The following BRINP3 variants were observed in gnomAD, a reference collection of about 807,000 sequenced individuals.
BRINP3 encodes BMP/retinoic acid inducible neural specific 3, also known as BMP/retinoic acid-inducible neural-specific protein 3.
In BRINP3, 19 loss-of-function variants were observed where a neutral mutation model predicts 71.0. The ratio of observed to expected loss-of-function variants is 0.27; its 90% confidence interval spans 0.19 to 0.39. The LOEUF is 0.39. Among genes scored for constraint, BRINP3 ranks in the 10% least tolerant of loss-of-function variants. The pLI, the probability that BRINP3 is intolerant of heterozygous loss-of-function variation, is 1.00. For synonymous variants in BRINP3, 380 were observed against 337.7 expected, an observed-to-expected ratio of 1.13 and a Z score of -1.37; for missense variants, 959 against 940.8, an observed-to-expected ratio of 1.02 and a Z score of -0.25.
intron 7 of BRINP3, among the ~76,000 whole-genome samples, chr1:190,120,609 C>T (rs1653560125): frequency 6.6e-6 from 1 of 151,934 alleles, no homozygotes; most frequent in Admixed American, 6.6e-5. Flanking sequence ...AATTCTCTGC[C>T]TTAGCCTCCT....
chr1:190,428,784 G>A (rs1295763291), intron 2 of BRINP3, among the ~76,000 whole-genome samples: 1 of 151,800 alleles, frequency 6.6e-6, no homozygotes, highest in African/African-American at 2.4e-5. Context: ...CCATAAATAT[G>A]TACAATGATT....
intron 6 of BRINP3, among the ~76,000 whole-genome samples, chr1:190,183,825 T>C (rs1653261544): frequency 1.3e-5 from 2 of 152,144 alleles, no homozygotes; most frequent in African/African-American, 4.8e-5. Context: ...CACTTCAGGA[T>C]AGCCTGATAA....
chr1:190,294,955 C>T (rs191957155), intron 2 of BRINP3, among the ~76,000 whole-genome samples: 33 of 151,956 alleles, frequency 2.2e-4, no homozygotes, highest in African/African-American at 5.8e-4. Flanking sequence ...CCTTTGCTCT[C>T]CTCCCACTTT....
intron 2 of BRINP3, among the ~76,000 whole-genome samples, chr1:190,312,648 G>C (rs1665616576): frequency 6.6e-6 from 1 of 151,714 alleles, no homozygotes; most frequent in African/African-American, 2.4e-5. Flanking sequence ...TTTCAAATAT[G>C]AGTGGTTCAA....
At chr1:190,421,498 A>T (rs1458128528) in intron 2 of BRINP3, among the ~76,000 whole-genome samples, 1 of 151,484 alleles carries the variant, frequency 6.6e-6, no homozygotes, top group African/African-American at 2.4e-5. Context: ...AACTATATAT[A>T]ACTATGACCA....
intron 6 of BRINP3, among the ~76,000 whole-genome samples, chr1:190,175,467 C>A (rs939210336): frequency 3.9e-5 from 6 of 152,082 alleles, no homozygotes; most frequent in African/African-American, 1.4e-4. Flanking sequence ...CAATATATTA[C>A]TTAACTCATC....
chr1:190,428,689 T>C (rs1490827842), intron 2 of BRINP3, among the ~76,000 whole-genome samples: 3 of 152,084 alleles, frequency 2.0e-5, no homozygotes, highest in Non-Finnish European at 4.4e-5. Flanking sequence ...AAAGCAATCA[T>C]AAACATTTGA....
At chr1:190,276,333 C>A (rs1335380410) in intron 3 of BRINP3, among the ~76,000 whole-genome samples, 1 of 151,460 alleles carries the variant, frequency 6.6e-6, no homozygotes, top group Non-Finnish European at 1.5e-5. Flanking sequence ...AGTTAACCAA[C>A]TTTGAAAGAA....
At chr1:190,205,883 G>A (rs558014359) in intron 6 of BRINP3, among the ~76,000 whole-genome samples, 1 of 151,980 alleles carries the variant, frequency 6.6e-6, no homozygotes, top group African/African-American at 2.4e-5. Flanking sequence ...AGTCACACAT[G>A]CTTTAAGAAC....
intron 4 of BRINP3, among the ~76,000 whole-genome samples, chr1:190,260,007 AAC>A (rs1661034796): frequency 1.3e-5 from 2 of 150,738 alleles, no homozygotes; most frequent in Admixed American, 1.3e-4. Context: ...CAGCCTGGGC[AAC>A]AGAGTGAGAC....
At chr1:190,117,432 A>T (rs1417359143) in intron 7 of BRINP3, among the ~76,000 whole-genome samples, 1 of 152,038 alleles carries the variant, frequency 6.6e-6, no homozygotes, top group Admixed American at 6.5e-5. Flanking sequence ...TTTCAAACAT[A>T]CACAAACAGT....
chr1:190,302,874 A>G (rs540114843), intron 2 of BRINP3: 25 of 152,008 alleles, frequency 1.6e-4, no homozygotes, highest in Non-Finnish European at 7.4e-5. Flanking sequence ...TCTAGTGAAT[A>G]CTATTATATG....
In BRINP3 at chr1:190,378,026, T is replaced by C. The variant is rs191573717; in HGVS notation, c.236+76629A>G. 4.0e-3 allele frequency among the ~76,000 whole-genome samples: 611 copies of C among 152,220 alleles called. 3 individuals carry two copies. Among genetic ancestry groups the C allele is most frequent in the Non-Finnish European group, 6.9e-3 (472 of 68,000 alleles). On this transcript the variant is annotated intron_variant, in intron 2 of 7. Coordinates refer to ENST00000367462, the MANE Select transcript of BRINP3 (RefSeq NM_199051.3). ...TTTGCAAACATATGAAAACTCATCC[T>C]AAAATTAATATGGAATCTCAGGGGA...
intron 2 of BRINP3, among the ~76,000 whole-genome samples, chr1:190,415,942 T>TA (rs1193757939): frequency 6.6e-6 from 1 of 152,156 alleles, no homozygotes; most frequent in Non-Finnish European, 1.5e-5. Context: ...TGCATATATA[T>TA]TTTTAACAAT....
In BRINP3 at chr1:190,098,966, T is replaced by A; in HGVS notation, c.1353A>T (p.Thr451=). Residue 451 remains threonine (T), a synonymous_variant, in exon 8 of 8, where the codon ACA becomes ACT. Transcript: ENST00000367462. ...AGCGGGTGCGGTTGTCTGGTGCGCATGTCAGGCAGGCAGAGGCGTCTCCCA... is the reference window on the plus strand; with the variant it reads ...AGCGGGTGCGGTTGTCTGGTGCGCAAGTCAGGCAGGCAGAGGCGTCTCCCA... ...CTVGDASACL[T]CAPDNRTRCG... 6.2e-7 allele frequency: 1 copy of A among 1,614,128 alleles called. No homozygotes were observed. Among genetic ancestry groups the A allele is most frequent in the Admixed American group, 1.7e-5 (1 of 60,006 alleles).
At chr1:190,447,994 C>T (rs72731183) in intron 2 of BRINP3, among the ~76,000 whole-genome samples, 19,152 of 151,478 alleles carry the variant, frequency 0.13, 1,328 homozygotes, top group Non-Finnish European at 0.13. Context: ...TTTTAGTATA[C>T]ATTTGTATAT....
chr1:190,296,158 T>G (rs1271559531), intron 2 of BRINP3, among the ~76,000 whole-genome samples: 2 of 151,856 alleles, frequency 1.3e-5, no homozygotes, highest in African/African-American at 2.4e-5. Flanking sequence ...CTATATTTTA[T>G]TCTTGAAGTT....
chr1:190,147,083 G>A (rs774012108), intron 7 of BRINP3, among the ~76,000 whole-genome samples: 3 of 151,768 alleles, frequency 2.0e-5, no homozygotes, highest in Admixed American at 6.6e-5. Flanking sequence ...GTATTGGTAG[G>A]CTATTCATTT....
intron 4 of BRINP3, among the ~76,000 whole-genome samples, chr1:190,258,372 C>T (rs1390622834): frequency 6.6e-6 from 1 of 151,980 alleles, no homozygotes; most frequent in Non-Finnish European, 1.5e-5. Flanking sequence ...AAATACTGCA[C>T]TAGTTATTGT....
Sources: gnomAD v4.1 joint callset for allele counts (sites outside exome capture counted in the v4.1 genomes callset) on GRCh38, gnomAD v4.1.1 for gene constraint, MANE v1.5 for transcripts, NCBI Gene and HGNC (gene_info 2026-07-23, HGNC 2026-07-21) for gene names.